Variants in MCC observed in about 807,000 individuals in gnomAD.
The protein encoded by MCC is MCC regulator of Wnt signaling pathway, also known as colorectal mutant cancer protein.
Under a neutral mutation model 116.2 loss-of-function variants are expected in MCC, and 90 were observed. That is an observed-to-expected ratio of 0.77 (90% confidence interval 0.65 to 0.92). The LOEUF (loss-of-function observed/expected upper bound fraction) is 0.92, where lower values mean the gene tolerates loss of function less well. MCC is among the 40% of genes least tolerant of loss of function. MCC has a pLI of 0.00. For missense variants in MCC, 1,516 were observed against 1,312.2 expected (o/e 1.16, Z -2.40); for synonymous variants, 578 against 510.5 (o/e 1.13, Z -1.78).
At chr5:113,420,796 T>C (rs1194348517) in intron 1 of MCC, among the ~76,000 whole-genome samples, 1 of 152,172 alleles carries the variant, frequency 6.6e-6, no homozygotes, top group Non-Finnish European at 1.5e-5. Context: ...GCAGCACAAC[T>C]ATTTTCTGTT....
At chr5:113,318,897 C>T (rs938763540) in intron 3 of MCC, among the ~76,000 whole-genome samples, 5 of 152,060 alleles carry the variant, frequency 3.3e-5, no homozygotes, top group African/African-American at 9.7e-5. Context: ...AACAGGGTCT[C>T]GTTCTGTTGC....
intron 3 of MCC, among the ~76,000 whole-genome samples, chr5:113,199,091 C>T (rs1467530587): frequency 1.3e-5 from 2 of 152,216 alleles, no homozygotes; most frequent in Admixed American, 6.5e-5. Flanking sequence ...TTGCTTGAAC[C>T]TGGGAGGTGG....
Position 113,035,919 on chromosome 5 carries a change from G to A in MCC, c.2757-6863C>T, listed in dbSNP as rs1751298879. On this transcript the variant is annotated intron_variant, in intron 17 of 18. Coordinates refer to ENST00000408903, the MANE Select transcript of MCC (RefSeq NM_001085377.2). Reference sequence around the variant, plus strand: ...AAAATCCAGGCAGCAGATAACAGCTGTCTCTAAGTCCTTTATAAGGATAAC... The same window carrying A: ...AAAATCCAGGCAGCAGATAACAGCTATCTCTAAGTCCTTTATAAGGATAAC... 2.0e-5 allele frequency among the ~76,000 whole-genome samples: 3 copies of A among 151,326 alleles called. No individual in the cohort carries two copies. The South Asian group carries it at 6.2e-4, about 31-fold the overall frequency.
chr5:113,228,430 C>T (rs921715537), intron 3 of MCC, among the ~76,000 whole-genome samples: 2 of 152,116 alleles, frequency 1.3e-5, no homozygotes, highest in African/African-American at 4.8e-5. Flanking sequence ...CTCCAAACGG[C>T]CTCAATGTTA....
intron 1 of MCC, among the ~76,000 whole-genome samples, chr5:113,483,545 T>G (rs10477494): frequency 0.12 from 17,514 of 152,154 alleles, 1,746 homozygotes; most frequent in African/African-American, 0.27. Context: ...TATTTCTATA[T>G]GTTTCCAAAT....
chr5:113,418,706 T>C (rs1449375493), intron 1 of MCC, among the ~76,000 whole-genome samples: 1 of 152,134 alleles, frequency 6.6e-6, no homozygotes, highest in African/African-American at 2.4e-5. Context: ...ATCATCATCA[T>C]CATCATCAAG....
At chr5:113,389,927 T>C (rs1223560875) in intron 1 of MCC, among the ~76,000 whole-genome samples, 1 of 152,128 alleles carries the variant, frequency 6.6e-6, no homozygotes, top group South Asian at 2.1e-4. Flanking sequence ...ATGGCCTCCA[T>C]AAAACACTAA....
intron 1 of MCC, among the ~76,000 whole-genome samples, chr5:113,421,695 C>A (rs999320073): frequency 6.6e-6 from 1 of 152,222 alleles, no homozygotes; most frequent in Non-Finnish European, 1.5e-5. Flanking sequence ...GTTTTCACTT[C>A]ATTTTCCCCA....
At chr5:113,294,385 T>C (rs1277927451) in intron 3 of MCC, 1 of 1,601,072 alleles carries the variant, frequency 6.2e-7, no homozygotes, top group East Asian at 2.3e-5. Flanking sequence ...CCGGAATTCA[T>C]GATGCACTTT....
chr5:113,372,839 G>C (rs1318411241), intron 2 of MCC, among the ~76,000 whole-genome samples: 1 of 151,986 alleles, frequency 6.6e-6, no homozygotes, highest in Admixed American at 6.6e-5. Context: ...TTATAAGCAT[G>C]AGCCACTGAG....
chr5:113,469,190 T>C (rs1338209096), intron 1 of MCC, among the ~76,000 whole-genome samples: 1 of 152,232 alleles, frequency 6.6e-6, no homozygotes, highest in East Asian at 1.9e-4. Context: ...CCCTCAGTTC[T>C]GCTCTGATCT....
chr5:113,032,143 G>T (rs1036386523), intron 17 of MCC, among the ~76,000 whole-genome samples: 1 of 152,212 alleles, frequency 6.6e-6, no homozygotes, highest in Non-Finnish European at 1.5e-5. Flanking sequence ...GGGCGCTGTG[G>T]CTCACGCCTG....
chr5:113,404,348 C>G (rs923111117), intron 1 of MCC, among the ~76,000 whole-genome samples: 6 of 152,150 alleles, frequency 3.9e-5, no homozygotes, highest in Non-Finnish European at 8.8e-5. Flanking sequence ...AAAAGCAATG[C>G]CCTCAAATGG....
At chr5:113,257,084 C>T (rs1765034834) in intron 3 of MCC, among the ~76,000 whole-genome samples, 1 of 152,172 alleles carries the variant, frequency 6.6e-6, no homozygotes, top group African/African-American at 2.4e-5. Context: ...GTGTTTTCCC[C>T]TCTAACTTAT....
intron 8 of MCC, chr5:113,101,519 G>C: frequency 1.8e-6 from 1 of 560,050 alleles, no homozygotes; most frequent in Non-Finnish European, 3.2e-6. Flanking sequence ...TCAGATTTAA[G>C]ATTCCAGAGA....
In MCC at chr5:113,027,061, CAT is replaced by C. The variant is rs373458481; in HGVS notation, c.*239_*240del. The C allele has an allele frequency of 5.3e-4, 270 of 507,802 alleles. 1 individual carries two copies. The East Asian group carries it at 7.3e-3, about 14-fold the overall frequency. The allele number at this position is 507,802 out of a possible 1,614,324, so 31.5% of individuals were successfully genotyped here. On this transcript the variant is annotated 3_prime_UTR_variant, in exon 19 of 19. Transcript: ENST00000408903. Reference sequence around the variant, plus strand: ...GAGGCTCTGCTGAGCAGGCACAGAACATGTGTTTACACGCTGTTGTGGGCCCA... The same window carrying C: ...GAGGCTCTGCTGAGCAGGCACAGAACGTGTTTACACGCTGTTGTGGGCCCA...
At chr5:113,202,783 T>C (rs562406396) in intron 3 of MCC, among the ~76,000 whole-genome samples, 15 of 64,480 alleles carry the variant, frequency 2.3e-4, no homozygotes, top group South Asian at 9.6e-4. Context: ...GTTTGCCCTT[T>C]ATTTAAAAAA....
At chr5:113,405,778 GC>G (rs2150400547) in intron 1 of MCC, among the ~76,000 whole-genome samples, 1 of 151,640 alleles carries the variant, frequency 6.6e-6, no homozygotes, top group African/African-American at 2.4e-5. Context: ...CTCCACTCCA[GC>G]CTAGGTGATG....
chr5:113,278,899 T>C (rs1384377641), intron 3 of MCC, among the ~76,000 whole-genome samples: 2 of 152,256 alleles, frequency 1.3e-5, no homozygotes, highest in African/African-American at 4.8e-5. Flanking sequence ...TGGTTTATGC[T>C]GTCCAGAAAT....
Sources: allele counts gnomAD v4.1 joint callset (sites outside exome capture counted in the v4.1 genomes callset), GRCh38; gene constraint gnomAD v4.1.1; transcripts MANE v1.5; gene names NCBI Gene and HGNC (gene_info 2026-07-23, HGNC 2026-07-21).